The following GRM7 variants were observed in gnomAD, a reference collection of about 807,000 sequenced individuals.
GRM7 encodes metabotropic glutamate receptor 7.
Under a neutral mutation model 84.5 loss-of-function variants are expected in GRM7, and 35 were observed. That is an observed-to-expected ratio of 0.41 (90% confidence interval 0.32 to 0.55). The LOEUF is 0.55. Ranked by LOEUF, GRM7 falls within the 20% of genes least tolerant of loss-of-function variation. GRM7 has a pLI of 0.19. For synonymous variants in GRM7, 487 were observed against 455.1 expected (o/e 1.07, Z -0.89); for missense variants, 1,003 against 1,194.6 (o/e 0.84, Z 2.36).
intron 4 of GRM7, among the ~76,000 whole-genome samples, chr3:7,375,328 C>T (rs2125122512): frequency 1.3e-5 from 2 of 150,926 alleles, no homozygotes; most frequent in South Asian, 4.2e-4. Flanking sequence ...AAGCTATTCT[C>T]CTGCCTCAGC....
intron 5 of GRM7, among the ~76,000 whole-genome samples, chr3:7,434,322 T>C (rs957165704): frequency 2.0e-5 from 3 of 152,222 alleles, no homozygotes; most frequent in African/African-American, 7.2e-5. Flanking sequence ...GACTTCCTAA[T>C]ACAATATTGA....
chr3:7,426,045 T>C (rs1263267647), intron 5 of GRM7, among the ~76,000 whole-genome samples: 1 of 152,180 alleles, frequency 6.6e-6, no homozygotes, highest in East Asian at 1.9e-4. Context: ...ATTTTTAACA[T>C]GTAAAACTAA....
intron 1 of GRM7, among the ~76,000 whole-genome samples, chr3:6,919,362 C>G (rs1455875910): frequency 8.3e-6 from 1 of 120,624 alleles, no homozygotes; most frequent in Admixed American, 8.2e-5. Flanking sequence ...CCATGCCTGG[C>G]TAATTTTTTT....
At chr3:7,561,850 G>A in intron 7 of GRM7, among the ~76,000 whole-genome samples, 1 of 152,114 alleles carries the variant, frequency 6.6e-6, no homozygotes, top group Admixed American at 6.6e-5. Flanking sequence ...ATAGACATCA[G>A]TATCAATGAA....
chr3:7,680,633 C>G (rs768099893), intron 9 of GRM7: 37 of 264,802 alleles, frequency 1.4e-4, no homozygotes, highest in Non-Finnish European at 2.4e-4. Context: ...AAGGCAACAA[C>G]TTTTTGTCAG....
chr3:7,356,663 C>T (rs959371135), intron 4 of GRM7, among the ~76,000 whole-genome samples: 21 of 152,156 alleles, frequency 1.4e-4, no homozygotes, highest in Admixed American at 9.2e-4. Flanking sequence ...TACCACTCAG[C>T]TTCTTTCCCC....
intron 9 of GRM7, among the ~76,000 whole-genome samples, chr3:7,719,631 T>C (rs1032391032): frequency 5.9e-5 from 9 of 152,108 alleles, no homozygotes; most frequent in African/African-American, 1.7e-4. Context: ...GCTAACACAG[T>C]GAAACCCCAT....
chr3:7,229,933 G>A (rs1455783883), intron 2 of GRM7, among the ~76,000 whole-genome samples: 8 of 139,320 alleles, frequency 5.7e-5, no homozygotes, highest in Middle Eastern at 3.9e-3. Flanking sequence ...TCCGCCTCCC[G>A]GGTTCACGCC....
At chr3:7,689,191 C>T (rs1020946591) in intron 9 of GRM7, among the ~76,000 whole-genome samples, 1 of 152,080 alleles carries the variant, frequency 6.6e-6, no homozygotes, top group Non-Finnish European at 1.5e-5. Flanking sequence ...TTAAGCCTTG[C>T]GAGAATGCCA....
intron 8 of GRM7, among the ~76,000 whole-genome samples, chr3:7,614,940 C>T (rs1187958581): frequency 6.6e-6 from 1 of 152,172 alleles, no homozygotes; most frequent in Non-Finnish European, 1.5e-5. Context: ...TCTTGAATCT[C>T]TGAACTGTGA....
chr3:7,557,353 A>G (rs980009594), intron 7 of GRM7, among the ~76,000 whole-genome samples: 1 of 152,224 alleles, frequency 6.6e-6, no homozygotes, highest in Non-Finnish European at 1.5e-5. Context: ...TAAATGGCAC[A>G]TGGAGATATT....
rs559337822 is a variant in GRM7, at chr3:7,264,796, G to A, written c.737-33888G>A. ...TCTCTATGGTATCTTCCAGTACTGC[G>A]GTACTTCCAGTACAGGCCACAAAGA... On this transcript the variant is annotated intron_variant, in intron 2 of 9. Coordinates refer to ENST00000357716, the MANE Select transcript of GRM7 (RefSeq NM_000844.4). Among the ~76,000 whole-genome samples the A allele has an allele frequency of 5.0e-4, 12 of 23,892 alleles. No individual in the cohort carries two copies. The South Asian group carries it at 0.018, about 36-fold the overall frequency. The allele number at this position is 23,892 out of a possible 152,430, so 15.7% of individuals were successfully genotyped here.
chr3:7,157,397 C>T (rs1694487235), intron 2 of GRM7, among the ~76,000 whole-genome samples: 1 of 151,792 alleles, frequency 6.6e-6, no homozygotes, highest in Non-Finnish European at 1.5e-5. Context: ...TTGTAGTGCA[C>T]ATTTGGAAAA....
intron 9 of GRM7, among the ~76,000 whole-genome samples, chr3:7,695,090 T>C (rs1700967746): frequency 6.6e-6 from 1 of 152,198 alleles, no homozygotes; most frequent in East Asian, 1.9e-4. Context: ...GTTATTTGGG[T>C]TTATTGCACA....
intron 8 of GRM7, among the ~76,000 whole-genome samples, chr3:7,629,092 G>T (rs1299311710): frequency 6.6e-6 from 1 of 152,166 alleles, no homozygotes; most frequent in East Asian, 1.9e-4. Context: ...TAAAAAAAAG[G>T]AGATAACTTG....
intron 4 of GRM7, among the ~76,000 whole-genome samples, chr3:7,345,336 G>C (rs1490786430): frequency 1.3e-5 from 2 of 151,322 alleles, no homozygotes; most frequent in African/African-American, 4.9e-5. Flanking sequence ...GTGCAATGGT[G>C]GGATTTCGGC....
intron 2 of GRM7, among the ~76,000 whole-genome samples, chr3:7,230,372 T>C (rs528074654): frequency 5.3e-4 from 81 of 152,268 alleles, no homozygotes; most frequent in Middle Eastern, 6.8e-3. Context: ...CACATACTGC[T>C]AGGTTTTCAT....
chr3:7,215,655 ACT>A (rs1482403591), intron 2 of GRM7, among the ~76,000 whole-genome samples: 1 of 149,952 alleles, frequency 6.7e-6, no homozygotes, highest in Admixed American at 6.6e-5. Context: ...ACAGAGCGAG[ACT>A]CTGTCTCAAA....
At chr3:7,511,612 A>T (rs1424759207) in intron 7 of GRM7, among the ~76,000 whole-genome samples, 1 of 152,192 alleles carries the variant, frequency 6.6e-6, no homozygotes, top group African/African-American at 2.4e-5. Context: ...AAGTGACTGA[A>T]CACCTGGGAG....
Sources: gnomAD v4.1 joint callset for allele counts (sites outside exome capture counted in the v4.1 genomes callset) on GRCh38, gnomAD v4.1.1 for gene constraint, MANE v1.5 for transcripts, NCBI Gene and HGNC (gene_info 2026-07-23, HGNC 2026-07-21) for gene names.